MYH7B: variants seen among roughly 807,000 people sequenced by gnomAD.
MYH7B encodes the protein myosin heavy chain 7B, also known as myosin-7B.
MYH7B carries 205 observed loss-of-function variants against 234.5 expected under a neutral mutation model. The observed-to-expected ratio is 0.87, with a 90% confidence interval of 0.78 to 0.98. The LOEUF (loss-of-function observed/expected upper bound fraction) is 0.98. MYH7B is among the 50% of genes least tolerant of loss of function. The pLI is 0.00. For missense variants in MYH7B, 2,652 were observed against 2,633.4 expected, an observed-to-expected ratio of 1.01 and a Z score of -0.15; for synonymous variants, 1,193 against 1,105.0, an observed-to-expected ratio of 1.08 and a Z score of -1.58.
chr20:35,001,191 C>T (rs939901253), intron 41 of MYH7B, 33 bp downstream of exon 41: 3 of 1,607,632 alleles, frequency 1.9e-6, no homozygotes, highest in East Asian at 2.2e-5. Context: ...TTGGCGCAGG[C>T]AGGGTGGGTG....
At position 34,977,716 on chromosome 20, in the gene MYH7B, G is replaced by A. The variant is rs757548818; in HGVS notation, c.-73+36G>A. On this transcript the variant is annotated intron_variant, in intron 4 of 44. Transcript: ENST00000262873. ...AGGGCTGGGGTTGGAGCCGAAGGGA[G>A]GGCAGGAGGGTGGGCGGGTGGGTGA... 8.0e-6 allele frequency: 12 copies of A among 1,507,560 alleles called. No homozygotes were observed. The South Asian group carries it at 1.1e-4, about 14-fold the overall frequency. The allele number at this position is 1,507,560 out of a possible 1,614,324, so 93.4% of individuals were successfully genotyped here. A position where few individuals can be genotyped will look rare whatever the true frequency, so the allele number is the denominator to read the frequency against.
exon 39 of MYH7B, chr20:35,000,301 A>G: frequency 6.3e-7 from 1 of 1,576,204 alleles, no homozygotes; most frequent in Non-Finnish European, 8.6e-7. Flanking sequence ...AGGCGCAACC[A>G]CCAGCGAGCT....
chr20:34,995,204 A>T, intron 27 of MYH7B, 132 bp from the exon 28 acceptor site: 1 of 852,156 alleles, frequency 1.2e-6, no homozygotes, highest in Non-Finnish European at 1.8e-6. Context: ...GCGAGTCAAG[A>T]CATTCCTGAG....
chr20:34,999,938 C>A, intron 38 of MYH7B, 32 bp downstream of exon 38: 2 of 1,582,562 alleles, frequency 1.3e-6, no homozygotes, highest in East Asian at 2.3e-5. Flanking sequence ...CCCCACCTCC[C>A]GAGAGCAGAA....
At chr20:34,996,495 G>T in exon 29 of MYH7B, 1 of 1,611,654 alleles carries the variant, frequency 6.2e-7, no homozygotes, top group Non-Finnish European at 8.5e-7. Flanking sequence ...CCAAGGCCAA[G>T]CTCCGGCTGG....
At position 34,979,809 on chromosome 20, in the gene MYH7B, G is replaced by A. The variant is rs2081914595; in HGVS notation, c.342+5G>A. 1.5e-5 allele frequency: 24 copies of A among 1,612,300 alleles called. No homozygotes were observed. Among genetic ancestry groups the A allele is most frequent in the Non-Finnish European group, 1.8e-5 (21 of 1,179,412 alleles). On this transcript the variant is annotated splice_donor_5th_base_variant and intron_variant, in intron 7 of 44. Transcript: ENST00000262873. Reference sequence around the variant, plus strand: ...TATGCCCGCTGGATGATCTATGTGAGCCCCAGGCCCGGGCCATGGGCGGGG... The same window carrying A: ...TATGCCCGCTGGATGATCTATGTGAACCCCAGGCCCGGGCCATGGGCGGGG...
Position 34,999,354 on chromosome 20 carries a change from G to T in MYH7B, c.4489G>T (p.Glu1497Ter). The T allele has an allele frequency of 1.3e-6, 2 of 1,549,028 alleles. No homozygotes were observed. The highest frequency in any genetic ancestry group is 1.7e-6 in the Non-Finnish European group (2 of 1,146,278). The stretch of plus-strand genomic sequence containing the variant: ...CTTCCGGCTGCGGCACGGCCACGAG[G>T]AGGCACTTGAAGCCCTGGAGACGCT... The change falls in exon 36 of 45, where the codon GAG (glutamate) becomes TAG (stop). Residue 1497 changes from glutamate (E) to a stop codon, truncating the protein, a stop_gained. Transcript: ENST00000262873. LOFTEE classifies it high-confidence loss of function.
chr20:34,969,189 C>T (rs1233014819), intron 2 of MYH7B, among the ~76,000 whole-genome samples: 1 of 152,176 alleles, frequency 6.6e-6, no homozygotes, highest in Non-Finnish European at 1.5e-5. Flanking sequence ...TGACCTCAGG[C>T]TGAAGGCAGT....
chr20:34,987,515 A>AT, intron 16 of MYH7B, 42 bp from the exon 17 acceptor site: 1 of 1,526,442 alleles, frequency 6.6e-7, no homozygotes. Context: ...CTGAGTGCGC[A>AT]TGGTGGTGTC....
chr20:34,995,743 G>A (rs1272656619), intron 28 of MYH7B, among the ~76,000 whole-genome samples, 165 bp downstream of exon 28: 1 of 152,262 alleles, frequency 6.6e-6, no homozygotes, highest in Middle Eastern at 3.2e-3. Flanking sequence ...AGTGGGGTTA[G>A]CAGCACTTAC....
chr20:34,977,903 G>A (rs1054452607), intron 4 of MYH7B, 31 bp from the exon 5 acceptor site: 1 of 1,611,970 alleles, frequency 6.2e-7, no homozygotes, highest in African/African-American at 1.3e-5. Flanking sequence ...TCGTGCCCTA[G>A]TTCAGCTCCC....
chr20:34,980,266 G>C, intron 7 of MYH7B: 2 of 346,710 alleles, frequency 5.8e-6, no homozygotes, highest in East Asian at 1.1e-4. Flanking sequence ...CTACCTATGG[G>C]GGGAGAATGT....
intron 6 of MYH7B, 31 bp downstream of exon 6, chr20:34,979,527 C>A: frequency 6.2e-7 from 1 of 1,601,800 alleles, no homozygotes; most frequent in Non-Finnish European, 8.5e-7. Context: ...AGATTAGCCT[C>A]TCTGTCCCTA....
In MYH7B at chr20:34,997,231, GC is replaced by G. The variant is rs1194681935; in HGVS notation, c.3358-16del. On this transcript the variant is annotated intron_variant, in intron 31 of 44. Transcript: ENST00000262873. The stretch of plus-strand genomic sequence containing the variant: ...TCAGAGGCCCACAGAGGTGACAGCT[GC>G]CCCACGTGCCCACCCCAGGCTCGGG... The G allele has an allele frequency of 1.9e-6, 3 of 1,555,974 alleles. No homozygotes were observed. The highest frequency in any genetic ancestry group is 1.4e-5 in the African/African-American group (1 of 73,622).
exon 25 of MYH7B, chr20:34,993,105 C>T: frequency 6.2e-7 from 1 of 1,612,860 alleles, no homozygotes; most frequent in East Asian, 2.2e-5. Flanking sequence ...TTCCCAGGTA[C>T]CGTATCCTGA....
intron 10 of MYH7B, 85 bp downstream of exon 10, chr20:34,982,640 T>C (rs1051823833): frequency 1.2e-5 from 14 of 1,182,232 alleles, no homozygotes; most frequent in African/African-American, 6.2e-5. Context: ...TTTTTCCCCC[T>C]TTTTAAAAAT....
chr20:35,002,014 G>A, exon 44 of MYH7B: 1 of 1,614,100 alleles, frequency 6.2e-7, no homozygotes, highest in Non-Finnish European at 8.5e-7. Context: ...TGATGCGGAG[G>A]AGCGGGCAGA....
At chr20:34,980,851 G>A in intron 8 of MYH7B, 117 bp downstream of exon 8, 1 of 1,507,770 alleles carries the variant, frequency 6.6e-7, no homozygotes, top group Non-Finnish European at 9.1e-7. Flanking sequence ...TGCTGGACAT[G>A]GTCGCCCAGC....
chr20:34,970,773 A>G (rs1319783955), intron 2 of MYH7B, among the ~76,000 whole-genome samples: 1 of 152,170 alleles, frequency 6.6e-6, no homozygotes, highest in Non-Finnish European at 1.5e-5. Context: ...CTCTAGAGAT[A>G]AAGAGTCAGA....
Sources: allele counts gnomAD v4.1 joint callset (sites outside exome capture counted in the v4.1 genomes callset), GRCh38; gene constraint gnomAD v4.1.1; transcripts MANE v1.5; gene names NCBI Gene and HGNC (gene_info 2026-07-23, HGNC 2026-07-21).